Variants in CNTNAP2 observed in about 807,000 individuals in gnomAD.
CNTNAP2 encodes the protein contactin-associated protein-like 2.
Under a neutral mutation model 155.2 loss-of-function variants are expected in CNTNAP2, and 98 were observed. That is an observed-to-expected ratio of 0.63 (90% CI 0.54 to 0.75). The LOEUF (loss-of-function observed/expected upper bound fraction) is 0.75, where lower values mean the gene tolerates loss of function less well. Among genes scored for constraint, CNTNAP2 ranks in the 30% least tolerant of loss-of-function variants. The pLI is 0.00. For synonymous variants in CNTNAP2, 651 were observed against 631.2 expected (o/e 1.03, Z -0.47); for missense variants, 1,727 against 1,688.1 (o/e 1.02, Z -0.40).
chr7:148,351,320 C>T (rs1362402914), intron 21 of CNTNAP2, among the ~76,000 whole-genome samples: 2 of 152,020 alleles, frequency 1.3e-5, no homozygotes, highest in Non-Finnish European at 2.9e-5. Flanking sequence ...GGCACTTAAG[C>T]AGGAGGCTGG....
intron 1 of CNTNAP2, among the ~76,000 whole-genome samples, chr7:146,749,644 T>C (rs956719200): frequency 4.6e-5 from 7 of 151,910 alleles, no homozygotes; most frequent in African/African-American, 1.7e-4. Flanking sequence ...ACTAAAGTAG[T>C]TCAGAAAAGA....
At chr7:146,695,474 G>C (rs1287116841) in intron 1 of CNTNAP2, among the ~76,000 whole-genome samples, 1 of 152,014 alleles carries the variant, frequency 6.6e-6, no homozygotes, top group African/African-American at 2.4e-5. Flanking sequence ...GAATGCAGTG[G>C]CATGGCCACA....
intron 1 of CNTNAP2, among the ~76,000 whole-genome samples, chr7:146,327,273 G>T (rs774816393): frequency 3.5e-4 from 54 of 152,290 alleles, no homozygotes; most frequent in African/African-American, 1.3e-3. Flanking sequence ...ATAGTAGACT[G>T]TACTGTAAAC....
At chr7:146,429,444 C>A (rs374344138) in intron 1 of CNTNAP2, among the ~76,000 whole-genome samples, 5 of 152,022 alleles carry the variant, frequency 3.3e-5, no homozygotes, top group Non-Finnish European at 7.4e-5. Flanking sequence ...TCCTTTACTT[C>A]CCTTGTTAGT....
intron 17 of CNTNAP2, among the ~76,000 whole-genome samples, chr7:148,160,165 A>G (rs1028115639): frequency 6.6e-6 from 1 of 152,274 alleles, no homozygotes; most frequent in African/African-American, 2.4e-5. Flanking sequence ...GCCTGAGCCC[A>G]GGAGGTCTAG....
chr7:147,428,614 G>C (rs1019362640), intron 10 of CNTNAP2, among the ~76,000 whole-genome samples: 1 of 152,088 alleles, frequency 6.6e-6, no homozygotes, highest in African/African-American at 2.4e-5. Flanking sequence ...CTTTTACATA[G>C]GATTTAGAGT....
At chr7:147,042,508 T>G (rs1287859087) in intron 3 of CNTNAP2, among the ~76,000 whole-genome samples, 1 of 152,192 alleles carries the variant, frequency 6.6e-6, no homozygotes, top group Non-Finnish European at 1.5e-5. Context: ...TTGGATGAAC[T>G]TAAGCCAGTG....
At chr7:148,226,141 C>G (rs1795844076) in intron 19 of CNTNAP2, among the ~76,000 whole-genome samples, 1 of 151,992 alleles carries the variant, frequency 6.6e-6, no homozygotes, top group Non-Finnish European at 1.5e-5. Context: ...CACTTCTTGA[C>G]TGGAATATCA....
intron 10 of CNTNAP2, among the ~76,000 whole-genome samples, chr7:147,430,476 A>G (rs918957897): frequency 3.3e-5 from 5 of 152,188 alleles, no homozygotes; most frequent in Admixed American, 1.3e-4. Context: ...ACATGTGCAT[A>G]TATCTTTTGC....
At chr7:146,358,930 T>A (rs1442068751) in intron 1 of CNTNAP2, among the ~76,000 whole-genome samples, 1 of 151,784 alleles carries the variant, frequency 6.6e-6, no homozygotes, top group Non-Finnish European at 1.5e-5. Flanking sequence ...GCTTGATACA[T>A]CGCCTTACTA....
chr7:147,365,383 G>GCAAAAAA (rs1796211175), intron 9 of CNTNAP2, among the ~76,000 whole-genome samples: 2 of 93,638 alleles, frequency 2.1e-5, no homozygotes, highest in Non-Finnish European at 3.9e-5. Flanking sequence ...ATCTCAAAAA[G>GCAAAAAA]AAAAAAAAAA....
At chr7:146,628,654 G>C (rs1799460683) in intron 1 of CNTNAP2, among the ~76,000 whole-genome samples, 1 of 151,938 alleles carries the variant, frequency 6.6e-6, no homozygotes, top group African/African-American at 2.4e-5. Flanking sequence ...AGAAAACTAT[G>C]AACCCTTGAG....
chr7:146,728,301 C>G (rs1206022077), intron 1 of CNTNAP2, among the ~76,000 whole-genome samples: 3 of 152,042 alleles, frequency 2.0e-5, no homozygotes, highest in Non-Finnish European at 4.4e-5. Context: ...AGATAAGTAG[C>G]TGTAATGAGG....
At position 146,667,811 on chromosome 7, in the gene CNTNAP2, G is replaced by A. The variant is rs533872772; in HGVS notation, c.98-106460G>A. Reference sequence around the variant, plus strand: ...GTGTATAGAAATGCTATGGATTTTCGTGTGTCGATTTTTTATTCTGCAATT... The same window carrying A: ...GTGTATAGAAATGCTATGGATTTTCATGTGTCGATTTTTTATTCTGCAATT... On this transcript the variant is annotated intron_variant, in intron 1 of 23. Coordinates refer to ENST00000361727, the MANE Select transcript of CNTNAP2 (RefSeq NM_014141.6). 2.0e-3 allele frequency among the ~76,000 whole-genome samples: 299 copies of A among 151,470 alleles called. 2 individuals carry two copies. The highest frequency in any genetic ancestry group is 7.7e-4 in the Non-Finnish European group (52 of 67,846).
At chr7:146,812,069 G>C (rs2129193975) in intron 2 of CNTNAP2, among the ~76,000 whole-genome samples, 1 of 152,244 alleles carries the variant, frequency 6.6e-6, no homozygotes, top group South Asian at 2.1e-4. Context: ...TGGGAGAATG[G>C]GGTGTTGCTG....
chr7:148,125,830 T>C (rs1244983161), intron 16 of CNTNAP2, among the ~76,000 whole-genome samples: 1 of 151,846 alleles, frequency 6.6e-6, no homozygotes, highest in Non-Finnish European at 1.5e-5. Flanking sequence ...GCCTCCCAAG[T>C]AGCTGGGATC....
chr7:146,489,885 G>C (rs1234110706), intron 1 of CNTNAP2, among the ~76,000 whole-genome samples: 1 of 152,078 alleles, frequency 6.6e-6, no homozygotes, highest in African/African-American at 2.4e-5. Context: ...GTGCTGACTG[G>C]TTTGAGTATG....
chr7:147,119,185 T>A (rs1450063274), intron 5 of CNTNAP2, among the ~76,000 whole-genome samples: 1 of 152,198 alleles, frequency 6.6e-6, no homozygotes, highest in Non-Finnish European at 1.5e-5. Flanking sequence ...TAAAGATGTT[T>A]ATTTTTTCAA....
chr7:147,288,162 C>T (rs764749003), intron 8 of CNTNAP2, among the ~76,000 whole-genome samples: 1 of 152,124 alleles, frequency 6.6e-6, no homozygotes, highest in African/African-American at 2.4e-5. Context: ...CTGTCACCTC[C>T]TCAGAGCATT....
Sources: allele counts gnomAD v4.1 joint callset (sites outside exome capture counted in the v4.1 genomes callset), GRCh38; gene constraint gnomAD v4.1.1; transcripts MANE v1.5; gene names NCBI Gene and HGNC (gene_info 2026-07-23, HGNC 2026-07-21).